The following DLGAP1 variants were observed in gnomAD, a reference collection of about 807,000 sequenced individuals.
DLGAP1 encodes DLG associated protein 1.
Under a neutral mutation model 90.8 loss-of-function variants are expected in DLGAP1, and 11 were observed. The ratio of observed to expected loss-of-function variants is 0.12; its 90% CI spans 0.08 to 0.20. The LOEUF is 0.20. Ranked by LOEUF, DLGAP1 falls within the 10% of genes least tolerant of loss-of-function variation. DLGAP1 has a pLI of 1.00. For missense variants in DLGAP1, 1,050 were observed against 1,333.8 expected, an observed-to-expected ratio of 0.79 and a Z score of 3.31; for synonymous variants, 558 against 540.7, an observed-to-expected ratio of 1.03 and a Z score of -0.44.
intron 3 of DLGAP1, chr18:3,977,831 G>T: frequency 2.6e-6 from 1 of 390,944 alleles, no homozygotes; most frequent in East Asian, 8.2e-5. Context: ...GTGTAGCCCA[G>T]GATGCCCTCA....
intron 7 of DLGAP1, chr18:3,656,295 G>C: frequency 2.0e-6 from 1 of 505,888 alleles, no homozygotes; most frequent in South Asian, 3.5e-5. Context: ...AGGTCTCATG[G>C]ATGTCTTCTT....
At chr18:3,999,369 T>A (rs2074134198) in intron 3 of DLGAP1, among the ~76,000 whole-genome samples, 2 of 152,170 alleles carry the variant, frequency 1.3e-5, no homozygotes, top group South Asian at 4.1e-4. Context: ...TTTTTATAAA[T>A]GTAAATTTAA....
chr18:3,604,861 T>C (rs1197547313), intron 7 of DLGAP1, among the ~76,000 whole-genome samples: 1 of 152,208 alleles, frequency 6.6e-6, no homozygotes, highest in Non-Finnish European at 1.5e-5. Context: ...GTACATCCTG[T>C]GTAGAAAAAG....
At chr18:3,931,567 A>G (rs1249818563) in intron 3 of DLGAP1, among the ~76,000 whole-genome samples, 1 of 152,154 alleles carries the variant, frequency 6.6e-6, no homozygotes, top group Non-Finnish European at 1.5e-5. Flanking sequence ...TTTGTAATTA[A>G]TTAATTCATT....
chr18:3,573,415 T>G (rs1179863267), intron 8 of DLGAP1, among the ~76,000 whole-genome samples: 1 of 152,100 alleles, frequency 6.6e-6, no homozygotes, highest in Non-Finnish European at 1.5e-5. Flanking sequence ...GGCAGGATAA[T>G]TGCTTGAACC....
At chr18:3,766,826 T>G (rs1252325442) in intron 5 of DLGAP1, among the ~76,000 whole-genome samples, 1 of 152,054 alleles carries the variant, frequency 6.6e-6, no homozygotes, top group East Asian at 1.9e-4. Flanking sequence ...TAAATCAGTG[T>G]TGAGAGGGAA....
At chr18:4,322,414 G>T (rs1442984666) in intron 1 of DLGAP1, among the ~76,000 whole-genome samples, 2 of 152,118 alleles carry the variant, frequency 1.3e-5, no homozygotes, top group African/African-American at 4.8e-5. Flanking sequence ...TTCACTTAAT[G>T]ATGTTGGGAA....
chr18:3,694,040 C>G (rs1812150), intron 7 of DLGAP1, among the ~76,000 whole-genome samples: 13 of 112,728 alleles, frequency 1.2e-4, no homozygotes, highest in South Asian at 2.5e-4. Context: ...AGCCACCCCC[C>G]CCTCAGCCCC....
At chr18:3,771,581 T>C (rs554259182) in intron 5 of DLGAP1, among the ~76,000 whole-genome samples, 1 of 152,338 alleles carries the variant, frequency 6.6e-6, no homozygotes, top group African/African-American at 2.4e-5. Context: ...GGGACTTGCA[T>C]AATACCACTC....
intron 5 of DLGAP1, among the ~76,000 whole-genome samples, chr18:3,798,977 G>A (rs374372843): frequency 7.9e-4 from 120 of 151,938 alleles, no homozygotes; most frequent in Admixed American, 2.0e-3. Flanking sequence ...AGGTTCAAGC[G>A]AGTCTCCTGC....
rs866492552 is a variant in DLGAP1 at position 3,814,082 on chromosome 18, G to A, written c.1149C>T (p.Ser383=). 1.9e-6 allele frequency: 3 copies of A among 1,614,046 alleles called. No homozygotes were observed. Among genetic ancestry groups the A allele is most frequent in the Non-Finnish European group, 2.5e-6 (3 of 1,179,978 alleles). The part of the protein sequence containing the change: ...RESYLKATQP[S]LTELTTLKIS... Reference sequence around the variant, plus strand: ...ACTTGAGTGTGGTGAGTTCTGTAAGGGATGGCTGAGTAGCCTTGAGATAGC... The same window carrying A: ...ACTTGAGTGTGGTGAGTTCTGTAAGAGATGGCTGAGTAGCCTTGAGATAGC... The change falls in exon 5 of 13, where the codon TCC becomes TCT. Residue 383 remains serine (S), a synonymous_variant. Coordinates refer to ENST00000315677, the MANE Select transcript of DLGAP1 (RefSeq NM_004746.4).
chr18:3,851,150 T>C (rs1010987667), intron 4 of DLGAP1, among the ~76,000 whole-genome samples: 4 of 152,084 alleles, frequency 2.6e-5, no homozygotes, highest in Admixed American at 2.0e-4. Flanking sequence ...GTTCTAGATA[T>C]AGCAGAACTC....
intron 10 of DLGAP1, among the ~76,000 whole-genome samples, chr18:3,515,483 A>AAT: frequency 6.7e-6 from 1 of 148,480 alleles, no homozygotes; most frequent in African/African-American, 2.5e-5. Context: ...AAAAAAAAAA[A>AAT]AAATTGGAGT....
chr18:3,793,476 AG>A (rs1013216370), intron 5 of DLGAP1, among the ~76,000 whole-genome samples: 2 of 151,950 alleles, frequency 1.3e-5, no homozygotes, highest in South Asian at 2.1e-4. Context: ...TACAACCCAA[AG>A]TATTGACTTC....
intron 3 of DLGAP1, among the ~76,000 whole-genome samples, chr18:3,992,223 T>C (rs985053574): frequency 1.3e-5 from 2 of 152,250 alleles, no homozygotes; most frequent in Non-Finnish European, 2.9e-5. Flanking sequence ...ATTTCTTGTT[T>C]GGAACATCCT....
chr18:3,661,571 C>CTT lies in DLGAP1; in HGVS notation c.1591+67562_1591+67563dup, dbSNP rs10549959. On this transcript the variant is annotated intron_variant, in intron 7 of 12. Coordinates refer to ENST00000315677, the MANE Select transcript of DLGAP1 (RefSeq NM_004746.4). ...AGGCAGAGGGAAGAAGCTGTAAGGT[C>CTT]TTTTTTTTTTTTTTTTTTTTTTTGA... 8.3e-3 allele frequency among the ~76,000 whole-genome samples: 1,040 copies of CTT among 124,980 alleles called. 26 individuals carry two copies. The highest frequency in any genetic ancestry group is 0.023 in the African/African-American group (805 of 34,870). 82.0% of individuals were successfully genotyped at this position (124,980 alleles called of 152,430 possible).
chr18:4,276,163 G>C (rs970178939), intron 1 of DLGAP1, among the ~76,000 whole-genome samples: 1 of 149,944 alleles, frequency 6.7e-6, no homozygotes, highest in African/African-American at 2.5e-5. Flanking sequence ...GGGTGGGAGG[G>C]GGCTTGATTT....
chr18:4,116,630 G>A (rs889484379), intron 2 of DLGAP1, among the ~76,000 whole-genome samples: 6 of 151,698 alleles, frequency 4.0e-5, no homozygotes. Context: ...ACTGTCTCTC[G>A]AGACCCTTTA....
Position 3,880,015 on chromosome 18 carries a change from C to A in DLGAP1, c.54G>T (p.Ser18=), listed in dbSNP as rs749740089. 1 of 1,608,838 alleles carries A rather than the reference C, an allele frequency of 6.2e-7. No individual in the cohort carries two copies. Among genetic ancestry groups the A allele is most frequent in the Non-Finnish European group, 8.5e-7 (1 of 1,179,872 alleles). Reference sequence around the variant, plus strand: ...AGTGGTGCGACAGCGAGTCACAGGCCGAGTCGCAGGTGACCCCGTGGTGAT... The same window carrying A: ...AGTGGTGCGACAGCGAGTCACAGGCAGAGTCGCAGGTGACCCCGTGGTGAT... ...RSHHHGVTCD[S]ACDSLSHHSD... is the part of the protein sequence containing the mutation. Residue 18 remains serine (S), a synonymous_variant, in exon 4 of 13, where the codon TCG becomes TCT. Transcript: ENST00000315677.
Sources: allele counts gnomAD v4.1 joint callset (sites outside exome capture counted in the v4.1 genomes callset), GRCh38; gene constraint gnomAD v4.1.1; transcripts MANE v1.5; gene names NCBI Gene and HGNC (gene_info 2026-07-23, HGNC 2026-07-21).